Variants in GPR155 observed in about 807,000 individuals in gnomAD.
GPR155 encodes lysosomal cholesterol signaling protein.
Under a neutral mutation model 93.1 loss-of-function variants are expected in GPR155, and 65 were observed. The observed-to-expected ratio is 0.70, with a 90% CI of 0.57 to 0.86. The LOEUF (loss-of-function observed/expected upper bound fraction) is 0.86. Ranked by LOEUF, GPR155 falls within the 40% of genes least tolerant of loss-of-function variation. The pLI, the probability that GPR155 is intolerant of heterozygous loss-of-function variation, is 0.00. For synonymous variants in GPR155, 319 were observed against 360.1 expected, an observed-to-expected ratio of 0.89 and a Z score of 1.29; for missense variants, 838 against 1,034.8, an observed-to-expected ratio of 0.81 and a Z score of 2.61.
chr2:174,434,105 T>TGC lies in GPR155; in HGVS notation c.*2009_*2010dup, dbSNP rs1484495238. 1 of 149,974 alleles carries TGC rather than the reference T, an allele frequency of 6.7e-6. No homozygotes were observed. The highest frequency in any genetic ancestry group is 1.5e-5 in the Non-Finnish European group (1 of 67,716). The allele number at this position is 149,974 out of a possible 1,614,324, so 9.3% of individuals were successfully genotyped here. A position where few individuals can be genotyped will look rare whatever the true frequency, so the allele number is the denominator to read the frequency against. ...CCTCCTGGGTAGCTGGGATTACAGG[T>TGC]GCACACCACCACACCTGGCTAATTT... On this transcript the variant is annotated 3_prime_UTR_variant, in exon 16 of 16. Transcript: ENST00000392552.
At chr2:174,486,225 G>T (rs1046667445) in intron 1 of GPR155, among the ~76,000 whole-genome samples, 2 of 152,132 alleles carry the variant, frequency 1.3e-5, no homozygotes, top group South Asian at 4.1e-4. Context: ...CCAGGGTAGG[G>T]AGCGCTGAGC....
At chr2:174,477,744 C>T (rs965368157) in intron 2 of GPR155, among the ~76,000 whole-genome samples, 1 of 152,044 alleles carries the variant, frequency 6.6e-6, no homozygotes, top group African/African-American at 2.4e-5. Context: ...ATTAGGTTTA[C>T]AATCATTATA....
Position 174,440,061 on chromosome 2 carries a change from T to C in GPR155, c.2175-26A>G, listed in dbSNP as rs781548498. ...CTGAAAATCAAATTTATGGCCATTT[T>C]TAAGGACAGAAAAGCACTGAGAGAG... is the stretch of plus-strand genomic sequence containing the variant. On this transcript the variant is annotated intron_variant, in intron 14 of 15. Coordinates refer to ENST00000392552, the MANE Select transcript of GPR155 (RefSeq NM_152529.7). 57 of 1,600,764 alleles carry C rather than the reference T, an allele frequency of 3.6e-5. No individual in the cohort carries two copies. The highest frequency in any genetic ancestry group is 4.4e-5 in the Non-Finnish European group (51 of 1,172,364).
chr2:174,439,806 C>A, intron 15 of GPR155, 92 bp downstream of exon 15: 2 of 1,051,456 alleles, frequency 1.9e-6, no homozygotes, highest in Non-Finnish European at 2.8e-6. Context: ...TAATCAGTCA[C>A]AACCACCTCA....
chr2:174,470,257 G>A, intron 4 of GPR155, 133 bp downstream of exon 4: 1 of 708,380 alleles, frequency 1.4e-6, no homozygotes, highest in Non-Finnish European at 2.2e-6. Context: ...AAACCAGCCT[G>A]GGGCAACATA....
At chr2:174,445,953 T>A (rs2105677481) in intron 12 of GPR155, among the ~76,000 whole-genome samples, 1 of 152,150 alleles carries the variant, frequency 6.6e-6, no homozygotes, top group Admixed American at 6.5e-5. Context: ...ATGTAGGCAT[T>A]TATCCACTTT....
At chr2:174,439,844 CAATT>C (rs879469648) in intron 15 of GPR155, 50 bp downstream of exon 15, 18 of 1,482,572 alleles carry the variant, frequency 1.2e-5, no homozygotes, top group Non-Finnish European at 1.5e-5. Flanking sequence ...CAAAATTAAT[CAATT>C]AATCATTTAA....
chr2:174,439,593 A>G (rs145761520), intron 15 of GPR155, among the ~76,000 whole-genome samples: 83 of 152,320 alleles, frequency 5.4e-4, no homozygotes, highest in South Asian at 2.9e-3. Context: ...ACTACTGGCC[A>G]ACTTGAAATC....
chr2:174,481,606 T>C lies in GPR155; in HGVS notation c.351A>G (p.Val117=). 6.2e-7 allele frequency: 1 copy of C among 1,613,510 alleles called. No individual in the cohort carries two copies. The highest frequency in any genetic ancestry group is 1.1e-5 in the South Asian group (1 of 91,070). The change falls in exon 2 of 16, where the codon GTA becomes GTG. Residue 117 remains valine, a synonymous_variant. Coordinates refer to ENST00000392552, the MANE Select transcript of GPR155 (RefSeq NM_152529.7). The stretch of plus-strand genomic sequence containing the variant: ...TGGCAACCAATAAGGTTAATACACA[T>C]ACAATGAAAAATACAGAAGCTTTGG... ...LIAKASVFFI[V]CVLTLLVASP...
At chr2:174,446,891 A>C in intron 11 of GPR155, 144 bp from the exon 12 acceptor site, 1 of 739,780 alleles carries the variant, frequency 1.4e-6, no homozygotes. Flanking sequence ...ATTGGAAGAA[A>C]GCTCCTTCAT....
intron 14 of GPR155, among the ~76,000 whole-genome samples, 200 bp downstream of exon 14, chr2:174,441,919 T>A (rs565752113): frequency 2.3e-5 from 2 of 85,534 alleles, no homozygotes; most frequent in Admixed American, 1.2e-4. Flanking sequence ...ATTTTTGTAT[T>A]TTTTTTTTTG....
In GPR155 at chr2:174,435,796, T is replaced by C. The variant is rs554147737; in HGVS notation, c.*320A>G. On this transcript the variant is annotated 3_prime_UTR_variant, in exon 16 of 16. Coordinates refer to ENST00000392552, the MANE Select transcript of GPR155 (RefSeq NM_152529.7). ...GCCTACACCATTTTATATAAGGGAC[T>C]TGAGTATCCTCAGATTTTGGGATCT... The C allele has an allele frequency of 1.5e-3, 364 of 237,552 alleles. 1 individual carries two copies. Among genetic ancestry groups the C allele is most frequent in the African/African-American group, 7.4e-3 (326 of 44,250 alleles). 14.7% of individuals were successfully genotyped at this position (237,552 alleles called of 1,614,324 possible).
chr2:174,438,180 C>T (rs575993644), intron 15 of GPR155, among the ~76,000 whole-genome samples: 287 of 152,078 alleles, frequency 1.9e-3, no homozygotes, highest in African/African-American at 6.3e-3. Flanking sequence ...ATTGGGGCTG[C>T]AGTGAGATTG....
In GPR155 at chr2:174,462,313, A is replaced by T. The variant is rs552101795; in HGVS notation, c.1385-641T>A. On this transcript the variant is annotated intron_variant, in intron 7 of 15. Transcript: ENST00000392552. Reference sequence around the variant, plus strand: ...TTTGGAATCTAAGTATAACTGAAAAACATTTTTTTTTTCTTTAGACAGAGT... The same window carrying T: ...TTTGGAATCTAAGTATAACTGAAAATCATTTTTTTTTTCTTTAGACAGAGT... Among the ~76,000 whole-genome samples, 98 of 150,288 alleles carry T rather than the reference A, an allele frequency of 6.5e-4. 2 individuals carry two copies. In the Middle Eastern group the frequency reaches 0.018, roughly 28 times the overall value.
At chr2:174,482,253 C>T (rs574354643) in intron 1 of GPR155, among the ~76,000 whole-genome samples, 1 of 152,324 alleles carries the variant, frequency 6.6e-6, no homozygotes. Flanking sequence ...AAGTTCTATA[C>T]TCAGTATTAG....
intron 11 of GPR155, among the ~76,000 whole-genome samples, chr2:174,448,816 C>T (rs1034529424): frequency 1.3e-5 from 2 of 151,972 alleles, no homozygotes; most frequent in African/African-American, 4.8e-5. Context: ...GGATTACAGG[C>T]GTGAGCCACC....
chr2:174,447,244 G>A (rs1375394252), intron 11 of GPR155, among the ~76,000 whole-genome samples: 1 of 151,140 alleles, frequency 6.6e-6, no homozygotes, highest in Non-Finnish European at 1.5e-5. Context: ...GGCTGAGGCA[G>A]GAGAATCGCT....
chr2:174,483,354 A>G (rs1023026503), intron 1 of GPR155, among the ~76,000 whole-genome samples: 1 of 152,208 alleles, frequency 6.6e-6, no homozygotes, highest in African/African-American at 2.4e-5. Flanking sequence ...AGAACACAAA[A>G]TATGTCTAAA....
chr2:174,473,386 T>C (rs1688055243), intron 2 of GPR155, 22 bp from the exon 3 acceptor site: 1 of 1,452,484 alleles, frequency 6.9e-7, no homozygotes, highest in Admixed American at 2.1e-5. Context: ...GAATATTGAT[T>C]TTTAAATGAT....
Sources: allele counts gnomAD v4.1 joint callset (sites outside exome capture counted in the v4.1 genomes callset), GRCh38; gene constraint gnomAD v4.1.1; transcripts MANE v1.5; gene names NCBI Gene and HGNC (gene_info 2026-07-23, HGNC 2026-07-21).